The following PRELID2 variants were observed in gnomAD, a reference collection of about 807,000 sequenced individuals.
The protein encoded by PRELID2 is PRELI domain-containing protein 2.
PRELID2 carries 25 observed loss-of-function variants against 28.4 expected under a neutral mutation model. The ratio of observed to expected loss-of-function variants is 0.88; its 90% CI spans 0.64 to 1.23. The LOEUF is 1.23. Among genes scored for constraint, PRELID2 ranks in the 50% most tolerant of loss-of-function variants. The pLI, the probability that PRELID2 is intolerant of heterozygous loss-of-function variation, is 0.00. For synonymous variants in PRELID2, 76 were observed against 71.6 expected, an observed-to-expected ratio of 1.06 and a Z score of -0.31; for missense variants, 201 against 214.4, an observed-to-expected ratio of 0.94 and a Z score of 0.39.
intron 1 of PRELID2, among the ~76,000 whole-genome samples, chr5:145,556,973 T>A (rs931747795): frequency 1.3e-5 from 2 of 152,182 alleles, no homozygotes; most frequent in Non-Finnish European, 2.9e-5. Context: ...TAGTGTAAAT[T>A]GTCATGACAC....
chr5:145,318,993 T>A, the PRELID2 span, among the ~76,000 whole-genome samples: 3 of 152,098 alleles, frequency 2.0e-5, no homozygotes, highest in Non-Finnish European at 4.4e-5. Flanking sequence ...CCACAGCCGA[T>A]CTCCTCTCTG....
At chr5:145,484,689 A>G (rs1200608769) in intron 1 of PRELID2, among the ~76,000 whole-genome samples, 2 of 152,218 alleles carry the variant, frequency 1.3e-5, no homozygotes, top group Non-Finnish European at 2.9e-5. Flanking sequence ...ACTGGACACT[A>G]AACACACAAA....
At chr5:145,697,980 G>A (rs1234065124) in intron 1 of PRELID2, among the ~76,000 whole-genome samples, 9 of 148,674 alleles carry the variant, frequency 6.1e-5, no homozygotes, top group Non-Finnish European at 1.3e-4. Context: ...TTGTCCTAAT[G>A]TCCCTCAAAA....
intron 1 of PRELID2, among the ~76,000 whole-genome samples, chr5:145,591,270 T>C (rs1261190362): frequency 6.7e-6 from 1 of 150,282 alleles, no homozygotes; most frequent in Non-Finnish European, 1.5e-5. Flanking sequence ...CACTCCAGCC[T>C]GAGTGATAGA....
At chr5:145,264,701 C>T in the PRELID2 span, among the ~76,000 whole-genome samples, 11 of 151,896 alleles carry the variant, frequency 7.2e-5, no homozygotes, top group African/African-American at 2.2e-4. Flanking sequence ...GAGCCAGGCA[C>T]GGTGGCTCAT....
At chr5:145,781,480 C>G (rs1314964760) in intron 5 of PRELID2, among the ~76,000 whole-genome samples, 1 of 151,632 alleles carries the variant, frequency 6.6e-6, no homozygotes, top group African/African-American at 2.4e-5. Flanking sequence ...AGTAATGATG[C>G]CTTTTTTTGA....
At chr5:145,239,421 T>A in the PRELID2 span, among the ~76,000 whole-genome samples, 1 of 151,942 alleles carries the variant, frequency 6.6e-6, no homozygotes, top group Admixed American at 6.6e-5. Context: ...TACAGCACAG[T>A]ATTCTGGGTC....
chr5:145,419,261 G>A, the PRELID2 span, among the ~76,000 whole-genome samples: 1 of 141,002 alleles, frequency 7.1e-6, no homozygotes, highest in Non-Finnish European at 1.6e-5. Flanking sequence ...GGGATGGCTG[G>A]GTCAAATGGT....
intron 1 of PRELID2, among the ~76,000 whole-genome samples, chr5:145,674,248 C>T (rs977388884): frequency 9.2e-5 from 14 of 152,064 alleles, no homozygotes; most frequent in Admixed American, 2.6e-4. Flanking sequence ...GCCATGTTGG[C>T]ATGCTGTACC....
intron 1 of PRELID2, among the ~76,000 whole-genome samples, chr5:145,695,551 C>A (rs1273894382): frequency 2.6e-5 from 4 of 152,148 alleles, no homozygotes; most frequent in African/African-American, 9.7e-5. Context: ...CATGACATCA[C>A]CCTTGCCCAG....
chr5:145,549,638 C>CA (rs33930592), intron 1 of PRELID2, among the ~76,000 whole-genome samples: 3 of 151,366 alleles, frequency 2.0e-5, no homozygotes, highest in Admixed American at 6.6e-5. Flanking sequence ...ACTAAAAATA[C>CA]AAAAAAATTA....
At position 145,587,771 on chromosome 5, in the gene PRELID2, T is replaced by C. The variant is rs118164816; in HGVS notation, n.71-114456A>G. Among the ~76,000 whole-genome samples the C allele has an allele frequency of 5.1e-4, 78 of 152,270 alleles. No homozygotes were observed. In the East Asian group the frequency reaches 0.013, roughly 25 times the overall value. The stretch of plus-strand genomic sequence containing the variant: ...CCAAACTGTAAAATATCATTTCTAT[T>C]TCCTTGATTCACTGGTATTTGACTC... On this transcript the variant is annotated intron_variant and non_coding_transcript_variant, in intron 1 of 2. Transcript: ENST00000510259.
intron 1 of PRELID2, among the ~76,000 whole-genome samples, chr5:145,616,898 T>C (rs1038888350): frequency 1.1e-4 from 16 of 152,066 alleles, no homozygotes; most frequent in African/African-American, 3.6e-4. Context: ...GCTTATTTCA[T>C]CCCTACAGCT....
At chr5:145,366,590 T>C in the PRELID2 span, among the ~76,000 whole-genome samples, 1 of 151,904 alleles carries the variant, frequency 6.6e-6, no homozygotes, top group African/African-American at 2.4e-5. Flanking sequence ...ACAGGACAGA[T>C]AATGTTATAT....
At chr5:145,459,155 G>T in the PRELID2 span, among the ~76,000 whole-genome samples, 3 of 152,302 alleles carry the variant, frequency 2.0e-5, no homozygotes, top group Non-Finnish European at 2.9e-5. Context: ...GGACTGCCAG[G>T]CTGCTTTGAA....
At chr5:145,379,211 G>A in the PRELID2 span, among the ~76,000 whole-genome samples, 1 of 152,162 alleles carries the variant, frequency 6.6e-6, no homozygotes, top group Non-Finnish European at 1.5e-5. Context: ...AGGGGCCAAG[G>A]AGGTGCTCCC....
chr5:145,323,119 C>G, the PRELID2 span, among the ~76,000 whole-genome samples: 1 of 151,568 alleles, frequency 6.6e-6, no homozygotes, highest in Non-Finnish European at 1.5e-5. Context: ...CAGGGAGGAT[C>G]TGAAAACAAG....
intron 4 of PRELID2, among the ~76,000 whole-genome samples, chr5:145,809,334 G>A (rs1046316959): frequency 6.6e-6 from 1 of 152,238 alleles, no homozygotes; most frequent in Non-Finnish European, 1.5e-5. Context: ...GAGCCACCGT[G>A]CCCGGCCCCT....
At chr5:145,638,174 GTAC>G (rs1051379480) in intron 1 of PRELID2, among the ~76,000 whole-genome samples, 66 of 152,080 alleles carry the variant, frequency 4.3e-4, no homozygotes, top group Admixed American at 3.7e-3. Flanking sequence ...ATTGATATTG[GTAC>G]TACTACTACT....
Sources: allele counts gnomAD v4.1 joint callset (sites outside exome capture counted in the v4.1 genomes callset), GRCh38; gene constraint gnomAD v4.1.1; transcripts MANE v1.5; gene names NCBI Gene and HGNC (gene_info 2026-07-23, HGNC 2026-07-21).